Variants in TTN observed in about 807,000 individuals in gnomAD.
TTN encodes connectin.
In TTN, 1,525 loss-of-function variants were observed where a neutral mutation model predicts 3,223.0. That is an observed-to-expected ratio of 0.47 (90% confidence interval 0.45 to 0.49). The LOEUF (loss-of-function observed/expected upper bound fraction) is 0.49. Among genes scored for constraint, TTN ranks in the 20% least tolerant of loss-of-function variants. TTN has a pLI of 0.00. For synonymous variants in TTN, 14,094 were observed against 15,161.0 expected (o/e 0.93, Z 5.17); for missense variants, 40,786 against 43,424.0 (o/e 0.94, Z 5.40).
intron 8 of TTN, among the ~76,000 whole-genome samples, chr2:178,793,747 C>A (rs1183453777): frequency 1.3e-5 from 2 of 152,076 alleles, no homozygotes; most frequent in Non-Finnish European, 2.9e-5. Flanking sequence ...CTGCAGTGAG[C>A]GGAGGTCATG....
Position 178,574,139 on chromosome 2 carries a change from C to G in TTN, c.71993G>C (p.Arg23998Pro). Residue 23998 changes from arginine (R) to proline (P), a missense_variant, in exon 326 of 363, where the codon CGT becomes CCT. Arg to Pro is a moderately radical substitution (Grantham distance 103). Transcript: ENST00000589042. Reference protein sequence around the residue: ...GLTEDAAYEFRVIAKNAAGAI... With the variant: ...GLTEDAAYEFPVIAKNAAGAI... Reference sequence around the variant, plus strand: ...ACCTGCAGCATTTTTGGCGATCACACGGAATTCATATGCAGCATCTTCTGT... The same window carrying G: ...ACCTGCAGCATTTTTGGCGATCACAGGGAATTCATATGCAGCATCTTCTGT... 1 of 1,613,504 alleles carries G rather than the reference C, an allele frequency of 6.2e-7. No individual in the cohort carries two copies. Among genetic ancestry groups the G allele is most frequent in the Non-Finnish European group, 8.5e-7 (1 of 1,179,626 alleles).
At chr2:178,770,027 G>A (rs1367900734) in intron 36 of TTN, 33 bp downstream of exon 36, 3 of 1,614,152 alleles carry the variant, frequency 1.9e-6, no homozygotes, top group Admixed American at 1.7e-5. Context: ...GGTTCATTAA[G>A]GAAAGGGCTG....
Position 178,530,343 on chromosome 2 carries a change from A to C in TTN, c.106272T>G (p.Thr35424=), listed in dbSNP as rs760273290. 1 of 1,614,000 alleles carries C rather than the reference A, an allele frequency of 6.2e-7. No homozygotes were observed. Among genetic ancestry groups the C allele is most frequent in the Admixed American group, 1.7e-5 (1 of 60,026 alleles). The stretch of plus-strand genomic sequence containing the variant: ...AAGAAACAGTTGTATCCTGCAACCC[A>C]GTAACAATTACTGGTTTTGAGGAAA... ...EPISSKPVIV[T]GLQDTTVSSD... The change falls in exon 358 of 363, where the codon ACT becomes ACG. Residue 35424 remains threonine (T), a synonymous_variant. Transcript: ENST00000589042.
intron 354 of TTN, 77 bp downstream of exon 354, chr2:178,538,463 C>G: frequency 7.2e-7 from 1 of 1,389,204 alleles, no homozygotes; most frequent in Non-Finnish European, 9.6e-7. Context: ...TTCCAGGGTT[C>G]TACTTAGTAT....
Position 178,715,269 on chromosome 2 carries a change from A to T in TTN, c.25922-5T>A. The T allele has an allele frequency of 6.3e-7, 1 of 1,592,364 alleles. No individual in the cohort carries two copies. On this transcript the variant is annotated splice_region_variant and splice_polypyrimidine_tract_variant and intron_variant, in intron 89 of 362. Coordinates refer to ENST00000589042, the MANE Select transcript of TTN (RefSeq NM_001267550.2). ...TTTTGCGGAAAATGGGTGGTTCTAA[A>T]ATTGGAAAAAAGGAAAATACGGATG...
rs1436187036 is a variant in TTN, at chr2:178,784,065, C to T, written c.2775+5G>A. ...CCATGTAACAGCGGGTAACCAGTGA[C>T]CAACCTTGGCTTCGCGTCCGTGCAG... On this transcript the variant is annotated splice_donor_5th_base_variant and intron_variant, in intron 16 of 362. Coordinates refer to ENST00000589042, the MANE Select transcript of TTN (RefSeq NM_001267550.2). 7 of 1,612,476 alleles carry T rather than the reference C, an allele frequency of 4.3e-6. No homozygotes were observed. The Middle Eastern group carries it at 1.0e-3, about 233-fold the overall frequency.
At position 178,588,564 on chromosome 2, in the gene TTN, C is replaced by T. The variant is rs1164637816; in HGVS notation, c.63161G>A (p.Arg21054Lys). 7 of 1,538,154 alleles carry T rather than the reference C, an allele frequency of 4.6e-6. No homozygotes were observed. In the South Asian group the frequency reaches 9.3e-5, roughly 20 times the overall value. Residue 21054 changes from arginine (R) to lysine (K), a missense_variant, in exon 304 of 363, where the codon AGA (arginine) becomes AAA (lysine). Physicochemically the swap from Arg to Lys is conservative, Grantham distance 26. Coordinates refer to ENST00000589042, the MANE Select transcript of TTN (RefSeq NM_001267550.2). ...TATGGGGTCTTTTGCCACCACCGGT[C>T]TTGAAGGCAAGCTTGGTTCTCCAAT... ...IGIGEPSLPSRPVVAKDPIEP... is the reference protein window; with the variant it reads ...IGIGEPSLPSKPVVAKDPIEP...
At position 178,533,468 on chromosome 2, in the gene TTN, C is replaced by G. The variant is rs148525155; in HGVS notation, c.103147G>C (p.Glu34383Gln). The change falls in exon 358 of 363, where the codon GAG becomes CAG. Residue 34383 changes from glutamate (E) to glutamine (Q), a missense_variant. Physicochemically the swap from Glu to Gln is conservative, Grantham distance 29. Coordinates refer to ENST00000589042, the MANE Select transcript of TTN (RefSeq NM_001267550.2). ...ECQEGQSVCFEIRVSGIPPPT... is the reference protein window; with the variant it reads ...ECQEGQSVCFQIRVSGIPPPT... ...GGGGGGATGCCAGACACTCTGATCT[C>G]AAAGCAGACACTTTGGCCTTCTTGG... The G allele has an allele frequency of 2.4e-3, 3,864 of 1,613,582 alleles. 28 individuals are homozygous for G. The highest frequency in any genetic ancestry group is 7.2e-3 in the South Asian group (653 of 91,076).
intron 132 of TTN, 75 bp from the exon 133 acceptor site, chr2:178,684,157 C>A: frequency 6.7e-7 from 1 of 1,498,710 alleles, no homozygotes; most frequent in Non-Finnish European, 9.2e-7. Flanking sequence ...AAAGTAGTAG[C>A]CCAAACATAA....
Position 178,612,218 on chromosome 2 carries a change from G to A in TTN, c.50249-56C>T, listed in dbSNP as rs936607319. 9 of 1,603,372 alleles carry A rather than the reference G, an allele frequency of 5.6e-6. No individual in the cohort carries two copies. In the Admixed American group the frequency reaches 7.0e-5, roughly 12 times the overall value. On this transcript the variant is annotated intron_variant, in intron 266 of 362. Transcript: ENST00000589042. Reference sequence around the variant, plus strand: ...ACCAGAGGAAAGGTGATAATCTCCTGTCACAAAAATTAAGTGCGAGAGCAC... The same window carrying A: ...ACCAGAGGAAAGGTGATAATCTCCTATCACAAAAATTAAGTGCGAGAGCAC...
chr2:178,570,186 C>A lies in TTN; in HGVS notation c.75946G>T (p.Val25316Leu), dbSNP rs908851465. 6.2e-7 allele frequency: 1 copy of A among 1,613,394 alleles called. No homozygotes were observed. The highest frequency in any genetic ancestry group is 8.5e-7 in the Non-Finnish European group (1 of 1,179,638). Residue 25316 changes from valine (V) to leucine (L), a missense_variant, in exon 326 of 363, where the codon GTG becomes TTG. Transcript: ENST00000589042. ...DAPKAPEVTT[V>L]TKDSMIVVWE... ...ACAACAATCATTGAGTCCTTGGTCA[C>A]TGTTGTGACTTCTGGAGCTTTTGGT...
In TTN at chr2:178,607,443, T is replaced by A. The variant is rs2055164382; in HGVS notation, c.53245A>T (p.Ser17749Cys). Residue 17749 changes from serine (S) to cysteine (C), a missense_variant, in exon 277 of 363, where the codon AGC becomes TGC. Transcript: ENST00000589042. ...HGRYVITATNSCGSKFAAARV... is the reference protein window; with the variant it reads ...HGRYVITATNCCGSKFAAARV... ...GCTGCTGCAAATTTGGAACCACAGC[T>A]ATTTGTAGCTGTAATCACATATCTG... 6.2e-7 allele frequency: 1 copy of A among 1,613,106 alleles called. No individual in the cohort carries two copies. The highest frequency in any genetic ancestry group is 1.3e-5 in the African/African-American group (1 of 74,888).
chr2:178,714,985 C>T lies in TTN; in HGVS notation c.26200+1G>A. 1.2e-6 allele frequency: 2 copies of T among 1,603,636 alleles called. No homozygotes were observed. Among genetic ancestry groups the T allele is most frequent in the Non-Finnish European group, 1.7e-6 (2 of 1,174,496 alleles). ...GCAGAAGTGAATGCAGTCCATCTAA[C>T]CTTTGAGAGCGATGGAACCAACGCA... On this transcript the variant is annotated splice_donor_variant, in intron 90 of 362. Coordinates refer to ENST00000589042, the MANE Select transcript of TTN (RefSeq NM_001267550.2). LOFTEE classifies it high-confidence loss of function.
intron 330 of TTN, chr2:178,556,021 C>T (rs578181987): frequency 6.6e-6 from 1 of 152,374 alleles, no homozygotes; most frequent in South Asian, 2.1e-4. Flanking sequence ...AAAGCACTCT[C>T]AGCCTCAGTT....
In TTN at chr2:178,575,939, G is replaced by T; in HGVS notation, c.70193C>A (p.Thr23398Asn). 6.2e-7 allele frequency: 1 copy of T among 1,612,446 alleles called. No individual in the cohort carries two copies. Among genetic ancestry groups the T allele is most frequent in the African/African-American group, 1.3e-5 (1 of 75,002 alleles). Reference sequence around the variant, plus strand: ...GTTACATTCTGGGATAATCAGAAGAGTAAATGATTCCGTATTTTCAATGTT... The same window carrying T: ...GTTACATTCTGGGATAATCAGAAGATTAAATGATTCCGTATTTTCAATGTT... ...RANIENTESF[T>N]LLIIPECNRY... Residue 23398 changes from threonine (T) to asparagine (N), a missense_variant, in exon 326 of 363, where the codon ACT (threonine) becomes AAT (asparagine). By Grantham distance (65) the Thr-to-Asn change is moderately conservative. Coordinates refer to ENST00000589042, the MANE Select transcript of TTN (RefSeq NM_001267550.2). The surrounding 1 kb of genome is among the most constrained non-coding windows in gnomAD (Gnocchi z 4.0).
intron 240 of TTN, 81 bp downstream of exon 240, chr2:178,629,220 G>A: frequency 6.6e-7 from 1 of 1,506,846 alleles, no homozygotes. Context: ...ATTAGAAAGA[G>A]CAAAGAATAA....
At chr2:178,680,472 T>C in intron 138 of TTN, 141 bp from the exon 139 acceptor site, 1 of 722,354 alleles carries the variant, frequency 1.4e-6, no homozygotes. Flanking sequence ...TTTAAGAAAC[T>C]ATATACTCTC....
chr2:178,792,430 T>C (rs556381814), intron 9 of TTN, among the ~76,000 whole-genome samples: 1 of 152,330 alleles, frequency 6.6e-6, no homozygotes, highest in South Asian at 2.1e-4. Flanking sequence ...AACACTTTGT[T>C]TTGAACAGCA....
Position 178,609,911 on chromosome 2 carries a change from G to A in TTN, c.51512C>T (p.Pro17171Leu), listed in dbSNP as rs770226870. The change falls in exon 272 of 363, where the codon CCT (proline) becomes CTT (leucine). Residue 17171 changes from proline (P) to leucine (L), a missense_variant. Coordinates refer to ENST00000589042, the MANE Select transcript of TTN (RefSeq NM_001267550.2). ...AEAMTITWKP[P>L]LYDGGSKIMG... ...TATCTTGCTCCCTCCATCATACAAA[G>A]GTGGCTTCCATGTAATAGTCATTGC... is the stretch of plus-strand genomic sequence containing the variant. 2 of 1,612,934 alleles carry A rather than the reference G, an allele frequency of 1.2e-6. No individual in the cohort carries two copies. Among genetic ancestry groups the A allele is most frequent in the East Asian group, 4.5e-5 (2 of 44,774 alleles).
Sources: allele counts gnomAD v4.1 joint callset (sites outside exome capture counted in the v4.1 genomes callset), GRCh38; gene constraint gnomAD v4.1.1; non-coding constraint Gnocchi (gnomAD v3.1); transcripts MANE v1.5; gene names NCBI Gene and HGNC (gene_info 2026-07-23, HGNC 2026-07-21).